DUSP22: variants seen among roughly 807,000 people sequenced by gnomAD.
The protein encoded by DUSP22 is dual specificity protein phosphatase 22.
Under a neutral mutation model 24.5 loss-of-function variants are expected in DUSP22, and 24 were observed. The observed-to-expected ratio is 0.98, with a 90% CI of 0.71 to 1.38. The LOEUF is 1.38. DUSP22 is among the 40% of genes most tolerant of loss of function. The probability of loss-of-function intolerance (pLI) is 0.00; values close to 1 mark genes in which losing one functional copy is unlikely to be tolerated. For missense variants in DUSP22, 330 were observed against 269.2 expected (o/e 1.23, Z -1.58); for synonymous variants, 160 against 106.4 (o/e 1.50, Z -3.10).
chr6:344,060 G>C (rs1197106231), intron 4 of DUSP22, among the ~76,000 whole-genome samples: 3 of 152,306 alleles, frequency 2.0e-5, no homozygotes, highest in Non-Finnish European at 4.4e-5. Context: ...TCCAGAATGA[G>C]GTCTGAGTGG....
Position 350,563 on chromosome 6 carries a change from G to T in DUSP22, c.*1612G>T, listed in dbSNP as rs542278844. 2.9e-6 allele frequency: 4 copies of T among 1,380,502 alleles called. No homozygotes were observed. Among genetic ancestry groups the T allele is most frequent in the East Asian group, 5.7e-5 (2 of 34,790 alleles). The allele number at this position is 1,380,502 out of a possible 1,614,324, so 85.5% of individuals were successfully genotyped here. On this transcript the variant is annotated 3_prime_UTR_variant, in exon 7 of 7. Coordinates refer to ENST00000419235, the MANE Select transcript of DUSP22 (RefSeq NM_001286555.3). ...GGGAAAAACAAAGTTGCCTGATTCC[G>T]CGCAGGTGCACAGGCCCCGGATGTA...
chr6:324,919 C>T (rs942467108), intron 3 of DUSP22, among the ~76,000 whole-genome samples: 1 of 152,310 alleles, frequency 6.6e-6, no homozygotes, highest in South Asian at 2.1e-4. Context: ...GCACAGTGTT[C>T]CCAGCAGCGC....
Position 350,602 on chromosome 6 carries a change from G to T in DUSP22, c.*1651G>T, listed in dbSNP as rs1184302703. ...GCCCCGGATGTACACCCGGAAAGGG[G>T]AGTGTGGCTGTAGAATCATCCATCC... On this transcript the variant is annotated 3_prime_UTR_variant, in exon 7 of 7. Coordinates refer to ENST00000419235, the MANE Select transcript of DUSP22 (RefSeq NM_001286555.3). The T allele has an allele frequency of 2.8e-6, 4 of 1,436,134 alleles. No homozygotes were observed. In the East Asian group the frequency reaches 7.8e-5, roughly 28 times the overall value. 89.0% of individuals were successfully genotyped at this position (1,436,134 alleles called of 1,614,324 possible).
At chr6:311,406 C>T (rs887625398) in intron 2 of DUSP22, among the ~76,000 whole-genome samples, 10 of 152,300 alleles carry the variant, frequency 6.6e-5, no homozygotes, top group Non-Finnish European at 1.2e-4. Flanking sequence ...CAAGGCCGGG[C>T]GCGGTGGCTC....
intron 3 of DUSP22, among the ~76,000 whole-genome samples, chr6:320,768 G>C (rs573699944): frequency 6.6e-6 from 1 of 152,300 alleles, no homozygotes; most frequent in Non-Finnish European, 1.5e-5. Flanking sequence ...AGGTCAGGGA[G>C]GGGGAGATGA....
chr6:333,154 G>A (rs900217792), intron 3 of DUSP22, among the ~76,000 whole-genome samples: 2 of 152,308 alleles, frequency 1.3e-5, no homozygotes, highest in African/African-American at 2.4e-5. Flanking sequence ...TCCCAGCAGA[G>A]CACAGCCCAC....
intron 1 of DUSP22, among the ~76,000 whole-genome samples, chr6:298,553 C>G (rs1223272236): frequency 6.6e-6 from 1 of 152,304 alleles, no homozygotes; most frequent in South Asian, 2.1e-4. Flanking sequence ...TTCTTTTGTG[C>G]TTAAGTGCGT....
At chr6:333,909 A>G (rs1450058437) in intron 3 of DUSP22, among the ~76,000 whole-genome samples, 1 of 152,300 alleles carries the variant, frequency 6.6e-6, no homozygotes, top group African/African-American at 2.4e-5. Context: ...CCTGTATTGG[A>G]AAAGTAGGAC....
At position 345,898 on chromosome 6, in the gene DUSP22, G is replaced by A. The variant is rs377115548; in HGVS notation, c.233G>A (p.Arg78Gln). 7.9e-5 allele frequency: 128 copies of A among 1,614,122 alleles called. No homozygotes were observed. The highest frequency in any genetic ancestry group is 7.6e-4 in the African/African-American group (57 of 75,026). Residue 78 changes from arginine (R) to glutamine (Q), a missense_variant, in exon 5 of 7, where the codon CGG becomes CAG. Coordinates refer to ENST00000419235, the MANE Select transcript of DUSP22 (RefSeq NM_001286555.3). The part of the protein sequence containing the change: ...KESIKFIHEC[R>Q]LRGESCLVHC... ...AGTATTAAATTCATTCACGAGTGCC[G>A]GCTCCGCGGTGAGAGCTGCCTTGTA...
intron 1 of DUSP22, among the ~76,000 whole-genome samples, chr6:302,368 A>G (rs815590): frequency 1 from 152,046 of 152,424 alleles, 75,834 homozygotes; most frequent in Non-Finnish European, 1. Context: ...CCTTGCACTA[A>G]CGCCCGCCTT....
At chr6:300,286 G>A (rs1002562968) in intron 1 of DUSP22, among the ~76,000 whole-genome samples, 5 of 152,276 alleles carry the variant, frequency 3.3e-5, no homozygotes, top group African/African-American at 1.2e-4. Flanking sequence ...ATGCCTTCGG[G>A]CTCGGGCTCA....
chr6:316,618 A>G (rs1328369934), intron 3 of DUSP22, among the ~76,000 whole-genome samples: 2 of 152,304 alleles, frequency 1.3e-5, no homozygotes, highest in East Asian at 1.9e-4. Context: ...ATATTGAGCA[A>G]TGAAAGGTTT....
At chr6:318,924 A>C (rs532804567) in intron 3 of DUSP22, among the ~76,000 whole-genome samples, 1 of 152,294 alleles carries the variant, frequency 6.6e-6, no homozygotes. Flanking sequence ...ACTGTTAAGA[A>C]AAGGAAGCAA....
intron 4 of DUSP22, among the ~76,000 whole-genome samples, chr6:341,825 A>G (rs1218196680): frequency 1.3e-5 from 2 of 152,306 alleles, no homozygotes; most frequent in East Asian, 1.9e-4. Context: ...TCACCTCTCC[A>G]TAACCTCCTC....
At chr6:347,266 G>A (rs890229573) in intron 5 of DUSP22, among the ~76,000 whole-genome samples, 11 of 152,304 alleles carry the variant, frequency 7.2e-5, no homozygotes, top group Non-Finnish European at 1.6e-4. Context: ...TTGAGAGTGG[G>A]GTTTTAAAAT....
At chr6:321,300 A>G (rs1194986561) in intron 3 of DUSP22, among the ~76,000 whole-genome samples, 1 of 152,302 alleles carries the variant, frequency 6.6e-6, no homozygotes, top group Non-Finnish European at 1.5e-5. Context: ...ATTAGCAAAG[A>G]CATTGTTTGT....
At chr6:323,711 C>G (rs544159641) in intron 3 of DUSP22, among the ~76,000 whole-genome samples, 3 of 152,428 alleles carry the variant, frequency 2.0e-5, no homozygotes, top group Admixed American at 2.0e-4. Context: ...GAGCAGAGCT[C>G]AGACCTTGGC....
At chr6:308,975 G>A (rs565647299) in intron 2 of DUSP22, among the ~76,000 whole-genome samples, 7 of 152,424 alleles carry the variant, frequency 4.6e-5, no homozygotes, top group Non-Finnish European at 8.8e-5. Context: ...TGTGAGCGCT[G>A]AAGCTGTGGC....
intron 2 of DUSP22, among the ~76,000 whole-genome samples, chr6:309,243 G>C (rs1412017223): frequency 1.3e-5 from 2 of 152,304 alleles, no homozygotes; most frequent in Non-Finnish European, 2.9e-5. Flanking sequence ...GCTCAAGGGG[G>C]AGTGAGAGGA....
Sources: allele counts gnomAD v4.1 joint callset (sites outside exome capture counted in the v4.1 genomes callset), GRCh38; gene constraint gnomAD v4.1.1; transcripts MANE v1.5; gene names NCBI Gene and HGNC (gene_info 2026-07-23, HGNC 2026-07-21).